The following TMEM132C variants were observed in gnomAD, a reference collection of about 807,000 sequenced individuals.
TMEM132C encodes transmembrane protein 132C, also known as protein phosphatase 1, regulatory subunit 152.
A neutral mutation model predicts 61.4 loss-of-function variants in TMEM132C; 29 were observed. The observed-to-expected ratio is 0.47, with a 90% CI of 0.35 to 0.64. The LOEUF is 0.64. TMEM132C is among the 30% of genes least tolerant of loss of function. The pLI is 0.00. For missense variants in TMEM132C, 1,408 were observed against 1,476.9 expected (o/e 0.95, Z 0.76); for synonymous variants, 656 against 633.1 (o/e 1.04, Z -0.54).
chr12:128,660,796 G>A (rs796278436), intron 4 of TMEM132C, among the ~76,000 whole-genome samples: 20 of 152,182 alleles, frequency 1.3e-4, no homozygotes, highest in African/African-American at 4.1e-4. Flanking sequence ...AGCCAGGCAC[G>A]GTAATTACAG....
At chr12:128,443,895 C>A (rs1274736459) in intron 2 of TMEM132C, among the ~76,000 whole-genome samples, 1 of 152,190 alleles carries the variant, frequency 6.6e-6, no homozygotes, top group Admixed American at 6.5e-5. Flanking sequence ...GTTCTCATCC[C>A]TGTTCCCCTT....
chr12:128,286,252 C>T (rs1280546203), intron 1 of TMEM132C, among the ~76,000 whole-genome samples: 1 of 150,832 alleles, frequency 6.6e-6, no homozygotes, highest in African/African-American at 2.4e-5. Flanking sequence ...CTTCCCTTAG[C>T]TTATACGTGA....
At chr12:128,377,313 A>G (rs531423222) in intron 1 of TMEM132C, among the ~76,000 whole-genome samples, 2 of 152,180 alleles carry the variant, frequency 1.3e-5, no homozygotes, top group Non-Finnish European at 2.9e-5. Context: ...TTGGCCTCCC[A>G]AAGGGTTGGG....
At chr12:128,509,610 T>G (rs1029162895) in intron 2 of TMEM132C, among the ~76,000 whole-genome samples, 7 of 152,170 alleles carry the variant, frequency 4.6e-5, no homozygotes, top group Non-Finnish European at 8.8e-5. Context: ...TCTATTTGCC[T>G]TCCACAGGGA....
chr12:128,639,294 TGATG>T (rs903352201), intron 4 of TMEM132C, among the ~76,000 whole-genome samples: 2 of 146,162 alleles, frequency 1.4e-5, no homozygotes, highest in African/African-American at 5.5e-5. Context: ...ACAATGGTGA[TGATG>T]ATGATGGTGA....
intron 1 of TMEM132C, among the ~76,000 whole-genome samples, chr12:128,305,917 G>T (rs1157299956): frequency 6.6e-6 from 1 of 152,094 alleles, no homozygotes; most frequent in Non-Finnish European, 1.5e-5. Flanking sequence ...ATTACAAATG[G>T]ATTCTTATTT....
intron 1 of TMEM132C, among the ~76,000 whole-genome samples, chr12:128,330,153 G>GT (rs1345385465): frequency 6.6e-6 from 1 of 152,120 alleles, no homozygotes; most frequent in Non-Finnish European, 1.5e-5. Flanking sequence ...AAGTGCACAA[G>GT]TATACAGGCA....
chr12:128,699,726 T>C (rs919792933), intron 8 of TMEM132C, among the ~76,000 whole-genome samples: 2 of 152,206 alleles, frequency 1.3e-5, no homozygotes, highest in Non-Finnish European at 2.9e-5. Flanking sequence ...AACATAATCA[T>C]GACAGCAGTC....
chr12:128,516,169 C>T (rs913786776), intron 2 of TMEM132C, among the ~76,000 whole-genome samples: 21 of 152,242 alleles, frequency 1.4e-4, no homozygotes, highest in African/African-American at 5.1e-4. Flanking sequence ...ATAAAATAAA[C>T]ACTAAGTACC....
Position 128,415,517 on chromosome 12 carries a change from A to G in TMEM132C, c.871A>G (p.Asn291Asp). 6.4e-7 allele frequency: 1 copy of G among 1,551,498 alleles called. No individual in the cohort carries two copies. The highest frequency in any genetic ancestry group is 8.7e-7 in the Non-Finnish European group (1 of 1,146,980). ...AQLSELRLDG[N>D]VVIWLPSRPV... ...GCTCAGCGAGCTGCGTTTGGATGGT[A>G]ACGTGGTCATCTGGCTGCCTTCCAG... Residue 291 changes from asparagine (N) to aspartate (D), a missense_variant, in exon 2 of 9, where the codon AAC becomes GAC. Coordinates refer to ENST00000435159, the MANE Select transcript of TMEM132C (RefSeq NM_001136103.3). This position sits in a 1 kb window ranked among gnomAD's most constrained non-coding sequence, Gnocchi z 5.8.
intron 5 of TMEM132C, among the ~76,000 whole-genome samples, chr12:128,687,137 G>A (rs563847352): frequency 1.3e-5 from 2 of 150,694 alleles, no homozygotes; most frequent in Admixed American, 1.3e-4. Context: ...GAGAGGCAGA[G>A]GTTGCAGTGA....
intron 2 of TMEM132C, among the ~76,000 whole-genome samples, chr12:128,509,314 G>A (rs1872495836): frequency 6.6e-6 from 1 of 152,130 alleles, no homozygotes; most frequent in South Asian, 2.1e-4. Flanking sequence ...GGAGGGGAAG[G>A]AGGAAAGGAA....
intron 4 of TMEM132C, among the ~76,000 whole-genome samples, chr12:128,622,359 AAATATATATATATATATATAT>A (rs1441433029): frequency 0.015 from 822 of 56,404 alleles, 45 homozygotes; most frequent in Middle Eastern, 0.057. Context: ...AAAAAAAAAA[AAATATATATATATATATATAT>A]ATATATATAT....
intron 1 of TMEM132C, among the ~76,000 whole-genome samples, chr12:128,281,265 C>A (rs1042197956): frequency 6.6e-6 from 1 of 152,108 alleles, no homozygotes; most frequent in African/African-American, 2.4e-5. Flanking sequence ...AAGAGGTGGC[C>A]CGAGTGCCAG....
intron 2 of TMEM132C, among the ~76,000 whole-genome samples, chr12:128,430,406 C>T (rs995137214): frequency 1.3e-5 from 2 of 152,168 alleles, no homozygotes; most frequent in African/African-American, 4.8e-5. Flanking sequence ...GTGACCTTAA[C>T]CTTGCTTGAT....
chr12:128,352,628 A>T (rs1873375454), intron 1 of TMEM132C, among the ~76,000 whole-genome samples: 1 of 152,220 alleles, frequency 6.6e-6, no homozygotes, highest in African/African-American at 2.4e-5. Flanking sequence ...AATTACTCAG[A>T]TGAAGGAGGA....
intron 1 of TMEM132C, among the ~76,000 whole-genome samples, chr12:128,378,510 C>G (rs1166482008): frequency 6.6e-6 from 1 of 152,162 alleles, no homozygotes; most frequent in African/African-American, 2.4e-5. Flanking sequence ...CAAATGCATT[C>G]GATGCCACTC....
At chr12:128,365,671 A>G (rs1170341362) in intron 1 of TMEM132C, among the ~76,000 whole-genome samples, 1 of 152,140 alleles carries the variant, frequency 6.6e-6, no homozygotes, top group Non-Finnish European at 1.5e-5. Flanking sequence ...AGGAGCTGTG[A>G]TTTCCATTGA....
intron 4 of TMEM132C, among the ~76,000 whole-genome samples, chr12:128,660,972 A>T (rs1027056837): frequency 4.6e-5 from 7 of 152,228 alleles, no homozygotes; most frequent in African/African-American, 1.7e-4. Flanking sequence ...AGATAGCGAG[A>T]GGTAAGATAG....
Sources: gnomAD v4.1 joint callset for allele counts (sites outside exome capture counted in the v4.1 genomes callset) on GRCh38, gnomAD v4.1.1 for gene constraint, Gnocchi (gnomAD v3.1) non-coding constraint, MANE v1.5 for transcripts, NCBI Gene and HGNC (gene_info 2026-07-23, HGNC 2026-07-21) for gene names.